STXBP5: variants seen among roughly 807,000 people sequenced by gnomAD.
The protein encoded by STXBP5 is syntaxin-binding protein 5.
STXBP5 carries 50 observed loss-of-function variants against 152.4 expected under a neutral mutation model. The observed-to-expected ratio is 0.33, with a 90% confidence interval of 0.26 to 0.42. The LOEUF is 0.42. Ranked by LOEUF, STXBP5 falls within the 10% of genes least tolerant of loss-of-function variation. The probability of loss-of-function intolerance (pLI) is 1.00; values close to 1 mark genes in which losing one functional copy is unlikely to be tolerated. For missense variants in STXBP5, 1,167 were observed against 1,388.6 expected (o/e 0.84, Z 2.54); for synonymous variants, 492 against 494.7 (o/e 0.99, Z 0.07).
At chr6:147,270,694 A>T (rs1052965075) in intron 7 of STXBP5, among the ~76,000 whole-genome samples, 1 of 152,096 alleles carries the variant, frequency 6.6e-6, no homozygotes, top group Admixed American at 6.6e-5. Context: ...AGAATGAAAG[A>T]CTCCAGACAT....
At chr6:147,256,338 T>C (rs1372236188) in intron 4 of STXBP5, among the ~76,000 whole-genome samples, 1 of 123,256 alleles carries the variant, frequency 8.1e-6, no homozygotes, top group Non-Finnish European at 1.7e-5. Flanking sequence ...AAATGTAATA[T>C]CATCTAGAAC....
At chr6:147,270,866 A>G (rs893620867) in intron 7 of STXBP5, among the ~76,000 whole-genome samples, 2 of 152,228 alleles carry the variant, frequency 1.3e-5, no homozygotes, top group African/African-American at 4.8e-5. Context: ...CAGAAGACAG[A>G]GGACCATTAA....
At chr6:147,303,879 CCT>C (rs1245044248) in intron 9 of STXBP5, among the ~76,000 whole-genome samples, 1 of 152,012 alleles carries the variant, frequency 6.6e-6, no homozygotes, top group African/African-American at 2.4e-5. Context: ...GCTTTTTGCC[CCT>C]GTCCTAGAGA....
intron 21 of STXBP5, among the ~76,000 whole-genome samples, chr6:147,352,614 T>TA (rs542167632): frequency 1.6e-4 from 24 of 151,688 alleles, no homozygotes; most frequent in South Asian, 1.2e-3. Context: ...CGCCTCAATT[T>TA]AAAAAAAAGA....
intron 4 of STXBP5, among the ~76,000 whole-genome samples, chr6:147,239,801 T>A (rs1242893370): frequency 6.6e-6 from 1 of 152,212 alleles, no homozygotes; most frequent in Non-Finnish European, 1.5e-5. Context: ...TACAAGTATA[T>A]CCATAAGATA....
chr6:147,235,403 C>T (rs958196397), intron 3 of STXBP5, 72 bp downstream of exon 3: 4 of 1,145,820 alleles, frequency 3.5e-6, no homozygotes, highest in Non-Finnish European at 5.1e-6. Context: ...AGATTTCTTA[C>T]ATGCATTCAC....
At chr6:147,324,926 G>A (rs1401681447) in intron 16 of STXBP5, 33 bp from the exon 17 acceptor site, 1 of 1,454,596 alleles carries the variant, frequency 6.9e-7, no homozygotes, top group Admixed American at 2.2e-5. Context: ...AGTTGAAAAT[G>A]GTTTAAAGAT....
intron 7 of STXBP5, 107 bp downstream of exon 7, chr6:147,267,274 G>C: frequency 1.3e-6 from 1 of 779,678 alleles, no homozygotes; most frequent in Non-Finnish European, 2.1e-6. Context: ...TGTAATTGCA[G>C]TAATACACAA....
intron 8 of STXBP5, 50 bp from the exon 9 acceptor site, chr6:147,291,044 T>C: frequency 7.3e-7 from 1 of 1,373,028 alleles, no homozygotes. Context: ...AATGTAAGAA[T>C]GTAGAGTAAC....
At chr6:147,309,652 C>G (rs944902071) in intron 9 of STXBP5, among the ~76,000 whole-genome samples, 8 of 151,950 alleles carry the variant, frequency 5.3e-5, no homozygotes, top group African/African-American at 1.9e-4. Flanking sequence ...GTATTGAGTA[C>G]AATTCTTGAT....
chr6:147,330,631 C>T (rs1287907901), intron 18 of STXBP5, among the ~76,000 whole-genome samples: 8 of 152,138 alleles, frequency 5.3e-5, no homozygotes, highest in Admixed American at 5.2e-4. Flanking sequence ...CAGAAGTTCA[C>T]TAAAAGTAAG....
At chr6:147,375,538 A>T (rs540637143) in intron 26 of STXBP5, among the ~76,000 whole-genome samples, 1 of 151,862 alleles carries the variant, frequency 6.6e-6, no homozygotes, top group Non-Finnish European at 1.5e-5. Flanking sequence ...GGATTAAAAA[A>T]AGAAGTTGCT....
chr6:147,259,049 A>G (rs764753766), intron 4 of STXBP5, among the ~76,000 whole-genome samples: 1 of 152,140 alleles, frequency 6.6e-6, no homozygotes, highest in Non-Finnish European at 1.5e-5. Flanking sequence ...GATGGTAGTT[A>G]TAGAGCAGAG....
Position 147,363,425 on chromosome 6 carries a change from G to A in STXBP5, c.2636G>A (p.Arg879Lys), listed in dbSNP as rs944229378. ...CLIPPAYEPW[R>K]EHNVPEEKDE... Reference sequence around the variant, plus strand: ...ATACCACCTGCGTATGAACCCTGGAGAGAGCACAATGTTCCTGAAGAAAAA... The same window carrying A: ...ATACCACCTGCGTATGAACCCTGGAAAGAGCACAATGTTCCTGAAGAAAAA... The change falls in exon 24 of 28, where the codon AGA becomes AAA. Residue 879 changes from arginine to lysine, a missense_variant. Transcript: ENST00000321680. 1 of 1,614,170 alleles carries A rather than the reference G, an allele frequency of 6.2e-7. No homozygotes were observed. Among genetic ancestry groups the A allele is most frequent in the Non-Finnish European group, 8.5e-7 (1 of 1,180,020 alleles).
chr6:147,275,947 C>T (rs978345392), intron 7 of STXBP5, among the ~76,000 whole-genome samples: 2 of 152,078 alleles, frequency 1.3e-5, no homozygotes, highest in Non-Finnish European at 2.9e-5. Context: ...AATTTATCAA[C>T]CCCAATTTAT....
At chr6:147,367,116 AAAAAT>A (rs1376821018) in intron 25 of STXBP5, among the ~76,000 whole-genome samples, 2 of 152,214 alleles carry the variant, frequency 1.3e-5, no homozygotes, top group African/African-American at 4.8e-5. Flanking sequence ...TGAAAGATAC[AAAAAT>A]AAAATCAAAC....
chr6:147,329,648 C>T (rs1368381589), intron 18 of STXBP5, among the ~76,000 whole-genome samples: 2 of 48,676 alleles, frequency 4.1e-5, no homozygotes, highest in African/African-American at 9.0e-5. Flanking sequence ...TTTTTTGAGA[C>T]GGAGTCTCGC....
intron 26 of STXBP5, among the ~76,000 whole-genome samples, chr6:147,376,991 G>A (rs1299466864): frequency 6.6e-6 from 1 of 152,104 alleles, no homozygotes; most frequent in African/African-American, 2.4e-5. Flanking sequence ...TTATTTGAAT[G>A]TACCTACTAT....
At chr6:147,232,957 A>G (rs1305533162) in intron 2 of STXBP5, among the ~76,000 whole-genome samples, 2 of 151,626 alleles carry the variant, frequency 1.3e-5, no homozygotes, top group Non-Finnish European at 3.0e-5. Context: ...GCCCATGGCA[A>G]TTTGAAGTTT....
Sources: allele counts gnomAD v4.1 joint callset (sites outside exome capture counted in the v4.1 genomes callset), GRCh38; gene constraint gnomAD v4.1.1; transcripts MANE v1.5; gene names NCBI Gene and HGNC (gene_info 2026-07-23, HGNC 2026-07-21).